The following PDZRN3 variants were observed in gnomAD, a reference collection of about 807,000 sequenced individuals.
PDZRN3 encodes PDZ domain containing ring finger 3, also known as E3 ubiquitin-protein ligase PDZRN3.
A neutral mutation model predicts 85.7 loss-of-function variants in PDZRN3; 38 were observed. The observed-to-expected ratio is 0.44, with a 90% CI of 0.34 to 0.58. The LOEUF (loss-of-function observed/expected upper bound fraction) is 0.58. PDZRN3 is among the 20% of genes least tolerant of loss of function. PDZRN3 has a pLI of 0.01. For synonymous variants in PDZRN3, 759 were observed against 638.0 expected (o/e 1.19, Z -2.86); for missense variants, 1,629 against 1,506.4 (o/e 1.08, Z -1.35).
intron 3 of PDZRN3, among the ~76,000 whole-genome samples, chr3:73,572,916 G>C (rs1306636821): frequency 6.6e-6 from 1 of 152,248 alleles, no homozygotes; most frequent in Non-Finnish European, 1.5e-5. Context: ...TCCGGGAGCA[G>C]TTAGGCTGGA....
chr3:73,505,687 T>A (rs1227252959), intron 3 of PDZRN3, among the ~76,000 whole-genome samples: 1 of 152,144 alleles, frequency 6.6e-6, no homozygotes, highest in Non-Finnish European at 1.5e-5. Flanking sequence ...ATTTTCATCA[T>A]CAGAAACTTA....
chr3:73,452,364 A>G (rs1192014745), intron 3 of PDZRN3, among the ~76,000 whole-genome samples: 2 of 152,242 alleles, frequency 1.3e-5, no homozygotes, highest in Non-Finnish European at 2.9e-5. Flanking sequence ...TACCACCAAC[A>G]TGATAATTAT....
At chr3:73,535,017 C>G (rs991406626) in intron 3 of PDZRN3, among the ~76,000 whole-genome samples, 4 of 151,676 alleles carry the variant, frequency 2.6e-5, no homozygotes, top group African/African-American at 9.7e-5. Context: ...CTTGTTAATG[C>G]AATGTGCCTT....
chr3:73,577,152 A>C (rs1702137905), intron 3 of PDZRN3, among the ~76,000 whole-genome samples: 1 of 152,204 alleles, frequency 6.6e-6, no homozygotes, highest in Non-Finnish European at 1.5e-5. Flanking sequence ...CCAGCTTTCA[A>C]ACCCAAATTG....
rs533890483 is a variant in PDZRN3 at position 73,594,395 on chromosome 3, T to C, written c.918+7959A>G. On this transcript the variant is annotated intron_variant, in intron 3 of 9. Transcript: ENST00000263666. Reference sequence around the variant, plus strand: ...TTTTTGTTAACTTCTATATTTGGCTTTAAGTTCTCGTATCCTGTACAAAAA... The same window carrying C: ...TTTTTGTTAACTTCTATATTTGGCTCTAAGTTCTCGTATCCTGTACAAAAA... Among the ~76,000 whole-genome samples, 82 of 152,322 alleles carry C rather than the reference T, an allele frequency of 5.4e-4. No homozygotes were observed. In the Middle Eastern group the frequency reaches 0.01, roughly 19 times the overall value.
chr3:73,507,190 C>T lies in PDZRN3; in HGVS notation c.918+95164G>A, dbSNP rs1201000284. On this transcript the variant is annotated intron_variant, in intron 3 of 9. Coordinates refer to ENST00000263666, the MANE Select transcript of PDZRN3 (RefSeq NM_015009.3). ...TTCATTCTCATTTTTTTTTTTGAGA[C>T]GAAGTCTCGCTCTTGTCCCCCAAGC... 7.3e-5 allele frequency among the ~76,000 whole-genome samples: 11 copies of T among 151,390 alleles called. No homozygotes were observed. In the South Asian group the frequency reaches 1.2e-3, roughly 17 times the overall value.
intron 3 of PDZRN3, among the ~76,000 whole-genome samples, chr3:73,459,296 G>T (rs947011739): frequency 1.3e-5 from 2 of 152,168 alleles, no homozygotes; most frequent in African/African-American, 4.8e-5. Context: ...TGAGATTTGG[G>T]TGGGGACACA....
intron 3 of PDZRN3, among the ~76,000 whole-genome samples, chr3:73,451,660 G>C (rs901171525): frequency 1.3e-5 from 2 of 152,170 alleles, no homozygotes; most frequent in Non-Finnish European, 2.9e-5. Context: ...AATGCTATTT[G>C]ATTAGGTAAA....
At chr3:73,488,353 T>C (rs561301288) in intron 3 of PDZRN3, among the ~76,000 whole-genome samples, 8 of 152,230 alleles carry the variant, frequency 5.3e-5, no homozygotes, top group African/African-American at 1.9e-4. Flanking sequence ...TTTCCTACTA[T>C]CTCCCATGGT....
intron 3 of PDZRN3, among the ~76,000 whole-genome samples, chr3:73,429,601 A>G (rs1360510363): frequency 6.6e-6 from 1 of 152,174 alleles, no homozygotes; most frequent in East Asian, 1.9e-4. Context: ...TTTCTATCCA[A>G]CTGGCTATGA....
chr3:73,482,522 T>G (rs1703584535), intron 3 of PDZRN3, among the ~76,000 whole-genome samples: 1 of 152,250 alleles, frequency 6.6e-6, no homozygotes, highest in South Asian at 2.1e-4. Flanking sequence ...CTGGCTCATC[T>G]GAGGCTTTTG....
At chr3:73,495,929 T>C (rs958078623) in intron 3 of PDZRN3, among the ~76,000 whole-genome samples, 1 of 152,162 alleles carries the variant, frequency 6.6e-6, no homozygotes, top group Admixed American at 6.5e-5. Flanking sequence ...CATCGATTTT[T>C]TACTTGATCT....
chr3:73,555,027 A>C lies in PDZRN3; in HGVS notation c.918+47327T>G, dbSNP rs780414689. Among the ~76,000 whole-genome samples the C allele has an allele frequency of 5.8e-4, 89 of 152,366 alleles. 1 individual carries two copies. The highest frequency in any genetic ancestry group is 1.2e-3 in the Admixed American group (18 of 15,304). Reference sequence around the variant, plus strand: ...CTGGCTGTCGCCTATTTTAATCACCAGACAAAGCAGATAAGTTGCAGGGGG... The same window carrying C: ...CTGGCTGTCGCCTATTTTAATCACCCGACAAAGCAGATAAGTTGCAGGGGG... On this transcript the variant is annotated intron_variant, in intron 3 of 9. Transcript: ENST00000263666.
chr3:73,584,594 G>C (rs2106871744), intron 3 of PDZRN3, among the ~76,000 whole-genome samples: 1 of 151,854 alleles, frequency 6.6e-6, no homozygotes, highest in East Asian at 1.9e-4. Flanking sequence ...TTTTTTGTTT[G>C]TTTTAAAGTC....
intron 3 of PDZRN3, among the ~76,000 whole-genome samples, chr3:73,441,435 TA>T (rs1702634353): frequency 1.3e-5 from 1 of 75,090 alleles, no homozygotes; most frequent in African/African-American, 5.2e-5. Flanking sequence ...AAAAAAAAAG[TA>T]AAATACATTC....
intron 3 of PDZRN3, among the ~76,000 whole-genome samples, chr3:73,559,514 T>C (rs1701773116): frequency 6.6e-6 from 1 of 152,198 alleles, no homozygotes; most frequent in Non-Finnish European, 1.5e-5. Flanking sequence ...GAAAGTGTCT[T>C]AAACGGCTCT....
intron 3 of PDZRN3, among the ~76,000 whole-genome samples, chr3:73,528,885 A>AAC (rs56134399): frequency 0.066 from 9,746 of 146,772 alleles, 497 homozygotes; most frequent in African/African-American, 0.15. Context: ...TTTTGTGGGA[A>AAC]ACACACACAC....
intron 3 of PDZRN3, among the ~76,000 whole-genome samples, chr3:73,514,447 G>A (rs1295981721): frequency 1.3e-5 from 2 of 152,198 alleles, no homozygotes; most frequent in Admixed American, 1.3e-4. Flanking sequence ...CTGGGTCGAG[G>A]AAGGAGAGTG....
In PDZRN3 at chr3:73,574,799, A is replaced by C. The variant is rs191616420; in HGVS notation, c.918+27555T>G. Among the ~76,000 whole-genome samples the C allele has an allele frequency of 1.9e-3, 286 of 152,350 alleles. 1 individual carries two copies. Among genetic ancestry groups the C allele is most frequent in the Non-Finnish European group, 3.4e-3 (234 of 68,026 alleles). ...TATCGACTAAATCTAAAAGATAAGA[A>C]GGTGCTTTTTACAACAAATTCAACT... On this transcript the variant is annotated intron_variant, in intron 3 of 9. Transcript: ENST00000263666.
Sources: gnomAD v4.1 joint callset for allele counts (sites outside exome capture counted in the v4.1 genomes callset) on GRCh38, gnomAD v4.1.1 for gene constraint, MANE v1.5 for transcripts, NCBI Gene and HGNC (gene_info 2026-07-23, HGNC 2026-07-21) for gene names.